MTA3: variants seen among roughly 807,000 people sequenced by gnomAD.
MTA3 encodes the protein metastasis-associated protein MTA3.
Under a neutral mutation model 83.5 loss-of-function variants are expected in MTA3, and 34 were observed. The ratio of observed to expected loss-of-function variants is 0.41; its 90% CI spans 0.31 to 0.54. The LOEUF is 0.54. MTA3 is among the 20% of genes least tolerant of loss of function. MTA3 has a pLI of 0.33. For synonymous variants in MTA3, 303 were observed against 252.7 expected (o/e 1.20, Z -1.89); for missense variants, 761 against 726.4 (o/e 1.05, Z -0.55).
chr2:42,720,972 A>G (rs1344276414), intron 15 of MTA3, among the ~76,000 whole-genome samples: 1 of 148,366 alleles, frequency 6.7e-6, no homozygotes, highest in Non-Finnish European at 1.5e-5. Flanking sequence ...AAAAAAAAAA[A>G]AAGAAAAGAA....
intron 15 of MTA3, 70 bp from the exon 16 acceptor site, chr2:42,722,819 T>C: frequency 3.3e-6 from 5 of 1,502,822 alleles, no homozygotes; most frequent in Non-Finnish European, 4.5e-6. Context: ...GTGTGCCTAT[T>C]AGCCAATGTA....
At chr2:42,582,693 T>C (rs1404222662) in intron 3 of MTA3, among the ~76,000 whole-genome samples, 4 of 152,196 alleles carry the variant, frequency 2.6e-5, no homozygotes, top group African/African-American at 9.6e-5. Flanking sequence ...TCACTGTTGG[T>C]AGAGCATCTG....
chr2:42,622,651 A>G (rs1685696189), intron 4 of MTA3, among the ~76,000 whole-genome samples: 1 of 152,054 alleles, frequency 6.6e-6, no homozygotes, highest in African/African-American at 2.4e-5. Flanking sequence ...TTTTTAAAAA[A>G]ATTTTTGCCT....
intron 4 of MTA3, among the ~76,000 whole-genome samples, chr2:42,624,239 A>T (rs1266161170): frequency 1.3e-5 from 2 of 152,126 alleles, no homozygotes; most frequent in East Asian, 3.8e-4. Context: ...ATAATAAAAT[A>T]CAATAATTTT....
chr2:42,512,506 T>C (rs1343062763), intron 2 of MTA3, among the ~76,000 whole-genome samples: 1 of 152,188 alleles, frequency 6.6e-6, no homozygotes, highest in African/African-American at 2.4e-5. Flanking sequence ...AGGAAAGTAA[T>C]CACAAACAAA....
At chr2:42,549,331 G>A (rs867603374) in intron 2 of MTA3, among the ~76,000 whole-genome samples, 59 of 112,610 alleles carry the variant, frequency 5.2e-4, no homozygotes, top group South Asian at 4.1e-3. Context: ...TATTATATAC[G>A]TATACGTATA....
chr2:42,687,059 A>C (rs370233713), intron 9 of MTA3, among the ~76,000 whole-genome samples: 1 of 147,994 alleles, frequency 6.8e-6, no homozygotes, highest in Admixed American at 6.7e-5. Context: ...CCCAGGAGGC[A>C]GAGGTTGCAG....
At chr2:42,590,098 T>A (rs1680789535) in intron 3 of MTA3, among the ~76,000 whole-genome samples, 2 of 152,168 alleles carry the variant, frequency 1.3e-5, no homozygotes, top group Admixed American at 1.3e-4. Flanking sequence ...CCCCTTAGAA[T>A]GTCTTCTTAT....
chr2:42,606,310 G>A (rs1683393230), intron 3 of MTA3, among the ~76,000 whole-genome samples: 1 of 149,724 alleles, frequency 6.7e-6, no homozygotes, highest in Non-Finnish European at 1.5e-5. Context: ...AGATCGGGTG[G>A]CTGCCGGGCG....
At chr2:42,689,906 C>A (rs1444629926) in intron 9 of MTA3, among the ~76,000 whole-genome samples, 1 of 145,852 alleles carries the variant, frequency 6.9e-6, no homozygotes, top group East Asian at 2.0e-4. Context: ...GTGATTTCTG[C>A]TTGTGTCTTT....
Position 42,662,980 on chromosome 2 carries a change from C to T in MTA3, c.702+3118C>T, listed in dbSNP as rs566114722. Among the ~76,000 whole-genome samples, 36 of 69,762 alleles carry T rather than the reference C, an allele frequency of 5.2e-4. No homozygotes were observed. The Middle Eastern group carries it at 0.039, about 76-fold the overall frequency. The allele number at this position is 69,762 out of a possible 152,430, so 45.8% of individuals were successfully genotyped here. A position where few individuals can be genotyped will look rare whatever the true frequency, so the allele number is the denominator to read the frequency against. On this transcript the variant is annotated intron_variant, in intron 8 of 16. Transcript: ENST00000405094. ...TCCTGACCTCGTGATCTGCCCACTT[C>T]GGCCTCCCAGAGTTGCTGGGATTAC...
At chr2:42,649,433 T>C (rs1688504671) in intron 6 of MTA3, among the ~76,000 whole-genome samples, 1 of 151,920 alleles carries the variant, frequency 6.6e-6, no homozygotes, top group South Asian at 2.1e-4. Flanking sequence ...AAAGCTGTTA[T>C]CACCAGTCAC....
At chr2:42,534,902 C>T (rs761075298) in intron 2 of MTA3, among the ~76,000 whole-genome samples, 1 of 151,928 alleles carries the variant, frequency 6.6e-6, no homozygotes, top group Non-Finnish European at 1.5e-5. Context: ...GTTTTACTGG[C>T]GTGAGCCACT....
intron 2 of MTA3, among the ~76,000 whole-genome samples, chr2:42,571,993 G>A (rs1678539088): frequency 6.6e-6 from 1 of 151,336 alleles, no homozygotes; most frequent in South Asian, 2.1e-4. Flanking sequence ...TCTGGACTAG[G>A]CTGGCTGGGC....
intron 2 of MTA3, among the ~76,000 whole-genome samples, chr2:42,531,445 CTTTTTTTT>C (rs10659582): frequency 5.3e-5 from 4 of 75,344 alleles, no homozygotes; most frequent in South Asian, 5.4e-4. Context: ...GAAGCAAACT[CTTTTTTTT>C]TTTTTTTTTT....
At chr2:42,680,616 G>C (rs1277491610) in intron 8 of MTA3, among the ~76,000 whole-genome samples, 1 of 152,210 alleles carries the variant, frequency 6.6e-6, no homozygotes, top group African/African-American at 2.4e-5. Context: ...CATAGGCAGA[G>C]ATGATTTTGT....
intron 10 of MTA3, 22 bp downstream of exon 10, chr2:42,695,861 C>G (rs772658735): frequency 8.4e-6 from 12 of 1,433,788 alleles, no homozygotes; most frequent in East Asian, 4.7e-5. Flanking sequence ...CATATTGCTA[C>G]CAATATGGTT....
At chr2:42,628,152 G>T (rs1165920796) in intron 4 of MTA3, among the ~76,000 whole-genome samples, 1 of 152,022 alleles carries the variant, frequency 6.6e-6, no homozygotes, top group East Asian at 1.9e-4. Flanking sequence ...AAAGTGTTGG[G>T]ATTACATGCT....
At chr2:42,495,925 A>G (rs985998478) in intron 2 of MTA3, among the ~76,000 whole-genome samples, 12 of 152,206 alleles carry the variant, frequency 7.9e-5, no homozygotes, top group Non-Finnish European at 1.3e-4. Flanking sequence ...GATTTGTTGT[A>G]GGACGTGAGG....
Sources: allele counts gnomAD v4.1 joint callset (sites outside exome capture counted in the v4.1 genomes callset), GRCh38; gene constraint gnomAD v4.1.1; transcripts MANE v1.5; gene names NCBI Gene and HGNC (gene_info 2026-07-23, HGNC 2026-07-21).